The following IL1RAPL2 variants were observed in gnomAD, a reference collection of about 807,000 sequenced individuals.
IL1RAPL2 encodes the protein interleukin 1 receptor accessory protein like 2.
IL1RAPL2 carries 3 observed loss-of-function variants against 44.1 expected under a neutral mutation model. The ratio of observed to expected loss-of-function variants is 0.07; its 90% CI spans 0.03 to 0.18. IL1RAPL2 has a LOEUF of 0.18. Among genes scored for constraint, IL1RAPL2 ranks in the 10% least tolerant of loss-of-function variants. The probability of loss-of-function intolerance (pLI) is 1.00; values close to 1 mark genes in which losing one functional copy is unlikely to be tolerated. For missense variants in IL1RAPL2, 391 were observed against 496.4 expected, an observed-to-expected ratio of 0.79 and a Z score of 2.02; for synonymous variants, 181 against 178.8, an observed-to-expected ratio of 1.01 and a Z score of -0.10.
intron 6 of IL1RAPL2, among the ~76,000 whole-genome samples, chrX:105,497,154 A>C (rs1411834872): frequency 2.7e-5 from 3 of 111,959 alleles, no homozygotes; most frequent in African/African-American, 9.7e-5. Flanking sequence ...ATAAAGTATC[A>C]TATCATCTCA....
chrX:105,595,462 A>G (rs2037201370), intron 6 of IL1RAPL2, among the ~76,000 whole-genome samples: 1 of 111,901 alleles, frequency 8.9e-6, no homozygotes, highest in South Asian at 3.6e-4. Flanking sequence ...TGCCCTGACA[A>G]CCAGGGTTTT....
At position 105,482,445 on chromosome X, in the gene IL1RAPL2, A is replaced by G. The variant is rs1040328732; in HGVS notation, c.698-1868A>G. On this transcript the variant is annotated intron_variant, in intron 5 of 10. Coordinates refer to ENST00000372582, the MANE Select transcript of IL1RAPL2 (RefSeq NM_017416.2). The stretch of plus-strand genomic sequence containing the variant: ...TCAATTAAAACAAAAATGTTGTTCA[A>G]TTCCATAAGGACAATACATATTGTA... 1.3e-4 allele frequency among the ~76,000 whole-genome samples: 15 copies of G among 111,960 alleles called. No individual in the cohort carries two copies. In the Admixed American group the frequency reaches 1.4e-3, roughly 11 times the overall value.
chrX:105,732,287 C>T (rs1352322109), intron 7 of IL1RAPL2, among the ~76,000 whole-genome samples: 2 of 110,754 alleles, frequency 1.8e-5, no homozygotes, highest in Non-Finnish European at 3.8e-5. Context: ...TTTGTACTCA[C>T]CAAATCTCAT....
intron 5 of IL1RAPL2, among the ~76,000 whole-genome samples, chrX:105,278,255 G>A (rs1034568502): frequency 1.9e-4 from 21 of 111,229 alleles, no homozygotes; most frequent in African/African-American, 6.5e-4. Flanking sequence ...GTGCAATCCA[G>A]GCCAGTTCTA....
intron 6 of IL1RAPL2, among the ~76,000 whole-genome samples, chrX:105,683,609 T>A (rs1602520173): frequency 9.2e-6 from 1 of 108,625 alleles, no homozygotes. Flanking sequence ...ATTTGAAGAG[T>A]AAAAAAACAG....
At chrX:104,846,800 T>C (rs1378737829) in intron 2 of IL1RAPL2, among the ~76,000 whole-genome samples, 16 of 112,289 alleles carry the variant, frequency 1.4e-4, no homozygotes, top group Admixed American at 1.1e-3. Flanking sequence ...TGAACTAGTT[T>C]ACAGTCCCAC....
intron 2 of IL1RAPL2, among the ~76,000 whole-genome samples, chrX:104,680,551 T>C (rs914985654): frequency 9.0e-6 from 1 of 111,327 alleles, no homozygotes; most frequent in African/African-American, 3.3e-5. Flanking sequence ...TTTTTAAACA[T>C]AGAGCCCGAA....
chrX:105,330,720 T>G (rs1281396826), intron 5 of IL1RAPL2, among the ~76,000 whole-genome samples: 1 of 111,618 alleles, frequency 9.0e-6, no homozygotes, highest in Non-Finnish European at 1.9e-5. Flanking sequence ...ATTAGCCCCT[T>G]AAGTAGTCAA....
intron 2 of IL1RAPL2, among the ~76,000 whole-genome samples, chrX:104,951,007 G>A (rs1011440475): frequency 7.2e-4 from 81 of 112,138 alleles, no homozygotes; most frequent in African/African-American, 2.5e-3. Flanking sequence ...TGCGCTTCCC[G>A]AGTGAGGCAA....
intron 5 of IL1RAPL2, among the ~76,000 whole-genome samples, chrX:105,324,390 A>G (rs2034919623): frequency 9.0e-6 from 1 of 111,503 alleles, no homozygotes; most frequent in South Asian, 3.8e-4. Context: ...ACTCAAATGC[A>G]AATATCTGTC....
chrX:105,112,298 C>T (rs763498621), intron 2 of IL1RAPL2, among the ~76,000 whole-genome samples: 2 of 111,926 alleles, frequency 1.8e-5, no homozygotes, highest in Non-Finnish European at 3.8e-5. Context: ...TTTCTATTGC[C>T]AGAGAGTCTT....
intron 2 of IL1RAPL2, among the ~76,000 whole-genome samples, chrX:104,942,897 A>T (rs1326845556): frequency 3.6e-5 from 4 of 111,741 alleles, no homozygotes; most frequent in African/African-American, 1.3e-4. Context: ...GAGAGTTTTT[A>T]GCATGAAGGG....
intron 2 of IL1RAPL2, among the ~76,000 whole-genome samples, chrX:104,930,461 T>C (rs1374653758): frequency 8.9e-6 from 1 of 111,733 alleles, no homozygotes; most frequent in Non-Finnish European, 1.9e-5. Flanking sequence ...GTGCTCACTA[T>C]GTGATAGGCA....
At chrX:105,164,173 C>T (rs888461961) in intron 2 of IL1RAPL2, among the ~76,000 whole-genome samples, 8 of 110,313 alleles carry the variant, frequency 7.3e-5, no homozygotes, top group Non-Finnish European at 1.5e-4. Context: ...GCTCAGTAAT[C>T]GGGCTGTGTC....
chrX:105,258,945 T>G (rs1438814997), intron 4 of IL1RAPL2, among the ~76,000 whole-genome samples: 1 of 111,984 alleles, frequency 8.9e-6, no homozygotes, highest in East Asian at 2.8e-4. Flanking sequence ...CAGTTCAGCC[T>G]GGTTAAGAAC....
At chrX:104,677,081 C>T (rs1040314889) in intron 2 of IL1RAPL2, among the ~76,000 whole-genome samples, 4 of 111,995 alleles carry the variant, frequency 3.6e-5, no homozygotes, top group African/African-American at 1.3e-4. Flanking sequence ...TCATCTGAAG[C>T]CTTCTTCTCT....
chrX:105,724,791 G>A (rs1210432667), intron 7 of IL1RAPL2, among the ~76,000 whole-genome samples: 3 of 111,543 alleles, frequency 2.7e-5, no homozygotes, highest in South Asian at 3.7e-4. Context: ...TAATTATTTC[G>A]AGGAAACCTA....
intron 7 of IL1RAPL2, among the ~76,000 whole-genome samples, chrX:105,723,707 G>T (rs1235745457): frequency 9.0e-6 from 1 of 111,337 alleles, no homozygotes; most frequent in Non-Finnish European, 1.9e-5. Flanking sequence ...TGTCTGGTGA[G>T]GGCCTGTTCC....
rs759190501 is a variant in IL1RAPL2 at position 104,833,769 on chromosome X, G to A, written c.82+174774G>A. On this transcript the variant is annotated intron_variant, in intron 2 of 10. Coordinates refer to ENST00000372582, the MANE Select transcript of IL1RAPL2 (RefSeq NM_017416.2). ...TCAGGTTTTCACACACTGGGTTTTG[G>A]CTTATCTACTGAGGATAAGTGACTA... Among the ~76,000 whole-genome samples, 162 of 112,112 alleles carry A rather than the reference G, an allele frequency of 1.4e-3. 1 individual carries two copies. The highest frequency in any genetic ancestry group is 4.8e-3 in the African/African-American group (150 of 30,936).
Sources: allele counts gnomAD v4.1 joint callset (sites outside exome capture counted in the v4.1 genomes callset), GRCh38; gene constraint gnomAD v4.1.1; transcripts MANE v1.5; gene names NCBI Gene and HGNC (gene_info 2026-07-23, HGNC 2026-07-21).